The following RIMKLA variants were observed in gnomAD, a reference collection of about 807,000 sequenced individuals.
RIMKLA encodes the protein N-acetylaspartylglutamate synthase A.
A neutral mutation model predicts 32.7 loss-of-function variants in RIMKLA; 14 were observed. The ratio of observed to expected loss-of-function variants is 0.43; its 90% CI spans 0.28 to 0.67. The LOEUF (loss-of-function observed/expected upper bound fraction) is 0.67. RIMKLA is among the 30% of genes least tolerant of loss of function. The probability of loss-of-function intolerance (pLI) is 0.18; values close to 1 mark genes in which losing one functional copy is unlikely to be tolerated. For missense variants in RIMKLA, 410 were observed against 519.0 expected, an observed-to-expected ratio of 0.79 and a Z score of 2.04; for synonymous variants, 176 against 204.1, an observed-to-expected ratio of 0.86 and a Z score of 1.18.
rs557002701 is a variant in RIMKLA at position 42,382,656 on chromosome 1, A to T, written c.163+1559A>T. 1.4e-4 allele frequency among the ~76,000 whole-genome samples: 21 copies of T among 152,318 alleles called. No individual in the cohort carries two copies. In the South Asian group the frequency reaches 4.4e-3, roughly 32 times the overall value. On this transcript the variant is annotated intron_variant, in intron 1 of 4. Transcript: ENST00000431473. Reference sequence around the variant, plus strand: ...AGTAGCCAAATTCCACATCACATTTAGTTTGTAGAACCGTCACAAATTCTG... The same window carrying T: ...AGTAGCCAAATTCCACATCACATTTTGTTTGTAGAACCGTCACAAATTCTG...
In RIMKLA at chr1:42,422,095, C is replaced by T. The variant is rs1224509005; in HGVS notation, c.*7121C>T. On this transcript the variant is annotated 3_prime_UTR_variant, in exon 5 of 5. Coordinates refer to ENST00000431473, the MANE Select transcript of RIMKLA (RefSeq NM_173642.4). ...TTAAACATTTGTCAGCACACCACTG[C>T]TGCTGGGAGACAGAGAGAAGAAACT... 1 of 152,204 alleles carries T rather than the reference C, an allele frequency of 6.6e-6. No homozygotes were observed. The allele number at this position is 152,204 out of a possible 1,614,324, so 9.4% of individuals were successfully genotyped here.
At chr1:42,407,329 T>A (rs973438368) in intron 3 of RIMKLA, among the ~76,000 whole-genome samples, 1 of 147,120 alleles carries the variant, frequency 6.8e-6, no homozygotes, top group Non-Finnish European at 1.5e-5. Flanking sequence ...AAGTTTTTTA[T>A]TTTGGTAAAG....
In RIMKLA at chr1:42,423,708, A is replaced by G. The variant is rs1383816470; in HGVS notation, c.*8734A>G. ...TTCCCCTTCTACTTCCCAGAGTTAC[A>G]TGGTGTCCCTCTAGGACTCTCCCAG... On this transcript the variant is annotated 3_prime_UTR_variant, in exon 5 of 5. Transcript: ENST00000431473. Among the ~76,000 whole-genome samples, 6 of 152,176 alleles carry G rather than the reference A, an allele frequency of 3.9e-5. No individual in the cohort carries two copies. The highest frequency in any genetic ancestry group is 2.6e-4 in the Admixed American group (4 of 15,276).
chr1:42,389,640 C>T (rs953315203), intron 1 of RIMKLA, among the ~76,000 whole-genome samples: 5 of 151,908 alleles, frequency 3.3e-5, no homozygotes, highest in Admixed American at 6.6e-5. Flanking sequence ...GGTGAAATCC[C>T]GTCTCTACTA....
intron 1 of RIMKLA, among the ~76,000 whole-genome samples, chr1:42,397,327 C>G (rs1030289366): frequency 2.0e-5 from 3 of 152,184 alleles, no homozygotes; most frequent in Non-Finnish European, 4.4e-5. Context: ...CATTAGCACC[C>G]TTTTCCCCCT....
chr1:42,385,844 C>CTCTTTCTTTCTTTCTT lies in RIMKLA; in HGVS notation c.163+4786_163+4801dup, dbSNP rs1162584737. On this transcript the variant is annotated intron_variant, in intron 1 of 4. Transcript: ENST00000431473. ...CCTTCCTTCCTTTCTTTCTTTCTTT[C>CTCTTTCTTTCTTTCTT]TCTTTCTTTCTTTCTTTCTTTCTTT... Among the ~76,000 whole-genome samples, 346 of 57,054 alleles carry CTCTTTCTTTCTTTCTT rather than the reference C, an allele frequency of 6.1e-3. 21 individuals carry two copies. Among genetic ancestry groups the CTCTTTCTTTCTTTCTT allele is most frequent in the African/African-American group, 0.011 (174 of 15,134 alleles). 37.4% of individuals were successfully genotyped at this position (57,054 alleles called of 152,430 possible).
Position 42,424,192 on chromosome 1 carries a change from G to A in RIMKLA, c.*9218G>A, listed in dbSNP as rs903020935. Among the ~76,000 whole-genome samples, 1 of 152,156 alleles carries A rather than the reference G, an allele frequency of 6.6e-6. No individual in the cohort carries two copies. The highest frequency in any genetic ancestry group is 2.4e-5 in the African/African-American group (1 of 41,436). On this transcript the variant is annotated 3_prime_UTR_variant, in exon 5 of 5. Transcript: ENST00000431473. ...TAAGAATACGTAAGAATGTGTCCTT[G>A]TTTTTAGAAAATACACATTAAATAT...
chr1:42,406,775 A>T (rs1161801324), intron 3 of RIMKLA, among the ~76,000 whole-genome samples: 1 of 152,200 alleles, frequency 6.6e-6, no homozygotes, highest in Non-Finnish European at 1.5e-5. Flanking sequence ...TTACCCAAAG[A>T]CTAATGATGT....
chr1:42,393,157 A>G (rs748243510), intron 1 of RIMKLA, among the ~76,000 whole-genome samples: 4 of 152,102 alleles, frequency 2.6e-5, no homozygotes, highest in African/African-American at 9.7e-5. Context: ...TCCCTTCTCT[A>G]TGCCCCTCCC....
intron 3 of RIMKLA, among the ~76,000 whole-genome samples, chr1:42,409,321 A>G (rs1293257258): frequency 6.6e-6 from 1 of 152,128 alleles, no homozygotes; most frequent in Non-Finnish European, 1.5e-5. Flanking sequence ...GCAGAGATCA[A>G]TAGAGGCATA....
chr1:42,404,192 C>T (rs547118154), intron 2 of RIMKLA, among the ~76,000 whole-genome samples: 1 of 152,248 alleles, frequency 6.6e-6, no homozygotes, highest in South Asian at 2.1e-4. Flanking sequence ...GGAGCTTACA[C>T]CAGGGGGCAG....
intron 1 of RIMKLA, among the ~76,000 whole-genome samples, chr1:42,393,303 G>A (rs899351260): frequency 1.6e-4 from 24 of 152,170 alleles, no homozygotes; most frequent in African/African-American, 4.8e-4. Context: ...ATGAATATGT[G>A]AAACAATCAA....
At chr1:42,400,050 C>A (rs1223330957) in intron 2 of RIMKLA, among the ~76,000 whole-genome samples, 2 of 152,162 alleles carry the variant, frequency 1.3e-5, no homozygotes, top group African/African-American at 4.8e-5. Context: ...TTGAGGAAGT[C>A]TTCCTAAAAG....
intron 1 of RIMKLA, 91 bp downstream of exon 1, chr1:42,381,188 A>G (rs995994690): frequency 2.1e-5 from 22 of 1,031,054 alleles, no homozygotes; most frequent in African/African-American, 5.0e-5. Context: ...CTCCCGCAGC[A>G]GAGTCTCCTT....
chr1:42,406,296 C>T (rs886364519), intron 3 of RIMKLA, among the ~76,000 whole-genome samples: 1 of 152,198 alleles, frequency 6.6e-6, no homozygotes, highest in Non-Finnish European at 1.5e-5. Flanking sequence ...CTGTGTTTTA[C>T]AACTATTACC....
intron 1 of RIMKLA, among the ~76,000 whole-genome samples, chr1:42,389,128 G>A (rs1642975658): frequency 6.6e-6 from 1 of 152,156 alleles, no homozygotes; most frequent in Non-Finnish European, 1.5e-5. Flanking sequence ...CTGAGCAGCT[G>A]GAAGAATAAA....
At chr1:42,382,724 G>T (rs1260630107) in intron 1 of RIMKLA, among the ~76,000 whole-genome samples, 1 of 152,078 alleles carries the variant, frequency 6.6e-6, no homozygotes, top group Admixed American at 6.5e-5. Flanking sequence ...TCATTTTAAA[G>T]AATCAGTCCT....
At position 42,419,323 on chromosome 1, in the gene RIMKLA, GT is replaced by G. The variant is rs1643276565; in HGVS notation, c.*4352del. 1 of 152,190 alleles carries G rather than the reference GT, an allele frequency of 6.6e-6. No homozygotes were observed. Among genetic ancestry groups the G allele is most frequent in the South Asian group, 2.1e-4 (1 of 4,822 alleles). The allele number at this position is 152,190 out of a possible 1,614,324, so 9.4% of individuals were successfully genotyped here. The stretch of plus-strand genomic sequence containing the variant: ...AGCCCTGTGCTGGCATTCCAACCTG[GT>G]TTGGTAATTTTGCTGTGAGGTTCAT... On this transcript the variant is annotated 3_prime_UTR_variant, in exon 5 of 5. Transcript: ENST00000431473.
At chr1:42,410,237 C>A in intron 4 of RIMKLA, 50 bp downstream of exon 4, 1 of 1,480,402 alleles carries the variant, frequency 6.8e-7, no homozygotes. Flanking sequence ...ACCCATTCAG[C>A]AAATGTATAT....
Sources: allele counts gnomAD v4.1 joint callset (sites outside exome capture counted in the v4.1 genomes callset), GRCh38; gene constraint gnomAD v4.1.1; transcripts MANE v1.5; gene names NCBI Gene and HGNC (gene_info 2026-07-23, HGNC 2026-07-21).